Variants in AFAP1 observed in about 807,000 individuals in gnomAD.
AFAP1 encodes the protein actin filament-associated protein 1.
In AFAP1, 75 loss-of-function variants were observed where a neutral mutation model predicts 93.9. That is an observed-to-expected ratio of 0.80 (90% CI 0.66 to 0.97). AFAP1 has a LOEUF of 0.97. AFAP1 is among the 50% of genes least tolerant of loss of function. The pLI is 0.00. For missense variants in AFAP1, 1,201 were observed against 1,050.8 expected, an observed-to-expected ratio of 1.14 and a Z score of -1.98; for synonymous variants, 517 against 430.7, an observed-to-expected ratio of 1.20 and a Z score of -2.48.
chr4:7,903,041 G>A (rs28444857), intron 1 of AFAP1, among the ~76,000 whole-genome samples: 169 of 152,302 alleles, frequency 1.1e-3, no homozygotes, highest in African/African-American at 3.9e-3. Context: ...CTCCAGGCAA[G>A]TATCTGAGGA....
intron 1 of AFAP1, among the ~76,000 whole-genome samples, chr4:7,934,564 T>A (rs1227691909): frequency 6.6e-6 from 1 of 152,080 alleles, no homozygotes; most frequent in African/African-American, 2.4e-5. Context: ...CTGTCTGGGA[T>A]ATCAGGGGCA....
At chr4:7,909,329 C>T (rs974202971) in intron 1 of AFAP1, among the ~76,000 whole-genome samples, 7 of 152,144 alleles carry the variant, frequency 4.6e-5, no homozygotes, top group African/African-American at 9.7e-5. Flanking sequence ...ACCCAGGCAG[C>T]CTGACTCCAT....
At chr4:7,893,422 A>AG (rs1267038149) in intron 1 of AFAP1, among the ~76,000 whole-genome samples, 1 of 152,044 alleles carries the variant, frequency 6.6e-6, no homozygotes, top group African/African-American at 2.4e-5. Flanking sequence ...CTACTAAAAA[A>AG]TACAAAAAAT....
chr4:7,763,687 A>AGCTTCC lies in AFAP1; in HGVS notation c.*72_*77dup. ...GTGCAGCTGAGGCCACTCTGGGCAG[A>AGCTTCC]GCTTCCTGCCGTCACACAGATGAGG... On this transcript the variant is annotated 3_prime_UTR_variant, in exon 18 of 18. Transcript: ENST00000420658. 6.5e-7 allele frequency: 1 copy of AGCTTCC among 1,531,932 alleles called. No homozygotes were observed. Among genetic ancestry groups the AGCTTCC allele is most frequent in the Non-Finnish European group, 8.9e-7 (1 of 1,129,446 alleles). The allele number at this position is 1,531,932 out of a possible 1,614,324, so 94.9% of individuals were successfully genotyped here.
At chr4:7,875,510 T>C (rs1361418876) in intron 1 of AFAP1, among the ~76,000 whole-genome samples, 4 of 152,064 alleles carry the variant, frequency 2.6e-5, no homozygotes, top group African/African-American at 9.7e-5. Flanking sequence ...TCCCAGCACT[T>C]TGAGAGGCTG....
At chr4:7,814,391 G>A (rs1720294520) in intron 8 of AFAP1, among the ~76,000 whole-genome samples, 1 of 152,190 alleles carries the variant, frequency 6.6e-6, no homozygotes, top group Non-Finnish European at 1.5e-5. Context: ...CTGGAGAGAA[G>A]CCTATGACCA....
At chr4:7,882,040 T>C (rs1717882284) in intron 1 of AFAP1, among the ~76,000 whole-genome samples, 1 of 152,136 alleles carries the variant, frequency 6.6e-6, no homozygotes, top group Admixed American at 6.5e-5. Flanking sequence ...TTGTTGGAAC[T>C]TCACTTTAAG....
intron 3 of AFAP1, among the ~76,000 whole-genome samples, chr4:7,861,147 A>G (rs1183079964): frequency 6.6e-6 from 1 of 152,250 alleles, no homozygotes; most frequent in Non-Finnish European, 1.5e-5. Flanking sequence ...TTTTTCTGGT[A>G]AGAGGGATTA....
At chr4:7,864,380 G>C (rs915292184) in intron 3 of AFAP1, among the ~76,000 whole-genome samples, 2 of 152,208 alleles carry the variant, frequency 1.3e-5, no homozygotes, top group African/African-American at 4.8e-5. Context: ...AAATTCTCTT[G>C]AAAGTCAATT....
chr4:7,917,252 C>G (rs1021244286), intron 1 of AFAP1, among the ~76,000 whole-genome samples: 2 of 152,174 alleles, frequency 1.3e-5, no homozygotes, highest in African/African-American at 4.8e-5. Context: ...AGGAGTCAAT[C>G]AGGTCTCACT....
At chr4:7,787,034 T>C (rs906194021) in intron 11 of AFAP1, among the ~76,000 whole-genome samples, 1 of 152,232 alleles carries the variant, frequency 6.6e-6, no homozygotes, top group South Asian at 2.1e-4. Flanking sequence ...TGTGCTACTG[T>C]GGCGTAATAA....
At chr4:7,771,792 G>T (rs1260742044) in intron 16 of AFAP1, among the ~76,000 whole-genome samples, 1 of 152,194 alleles carries the variant, frequency 6.6e-6, no homozygotes, top group Non-Finnish European at 1.5e-5. Context: ...GCTCAGCTCT[G>T]CAGGCGGGAG....
At chr4:7,905,299 T>C (rs1247888141) in intron 1 of AFAP1, among the ~76,000 whole-genome samples, 1 of 152,226 alleles carries the variant, frequency 6.6e-6, no homozygotes, top group Non-Finnish European at 1.5e-5. Context: ...GCAGCGTGTT[T>C]GGTTCCTAGC....
At chr4:7,861,360 AC>A (rs1715656143) in intron 3 of AFAP1, among the ~76,000 whole-genome samples, 1 of 152,202 alleles carries the variant, frequency 6.6e-6, no homozygotes, top group African/African-American at 2.4e-5. Context: ...GCTGAAGGAA[AC>A]TGAGGATAAT....
intron 1 of AFAP1, among the ~76,000 whole-genome samples, chr4:7,898,806 G>C (rs35981602): frequency 2.3e-5 from 1 of 42,862 alleles, no homozygotes. Context: ...CTGGGCAGTA[G>C]AAGTGTGTGT....
intron 3 of AFAP1, among the ~76,000 whole-genome samples, chr4:7,857,530 A>T (rs1715200301): frequency 6.6e-6 from 1 of 152,102 alleles, no homozygotes; most frequent in African/African-American, 2.4e-5. Context: ...CTGTCATCTT[A>T]GTGTGGCGTT....
chr4:7,769,108 A>T (rs1715041564), intron 16 of AFAP1, 100 bp from the exon 17 acceptor site: 1 of 1,426,360 alleles, frequency 7.0e-7, no homozygotes, highest in Admixed American at 2.2e-5. Flanking sequence ...TAAGTTTTGG[A>T]AATGGGCAAA....
chr4:7,763,807 GT>G lies in AFAP1; in HGVS notation c.2419-17del. On this transcript the variant is annotated splice_polypyrimidine_tract_variant and intron_variant, in intron 17 of 17. Transcript: ENST00000420658. Reference sequence around the variant, plus strand: ...ATTCCCATTCCTAGAGGAAAGGAGAGTCTTGTAAGTGGACAGGGCAAGAGGA... The same window carrying G: ...ATTCCCATTCCTAGAGGAAAGGAGAGCTTGTAAGTGGACAGGGCAAGAGGA... 6.4e-7 allele frequency: 1 copy of G among 1,551,534 alleles called. No individual in the cohort carries two copies. The highest frequency in any genetic ancestry group is 8.7e-7 in the Non-Finnish European group (1 of 1,146,830).
chr4:7,878,859 G>A (rs373978603), intron 1 of AFAP1, among the ~76,000 whole-genome samples: 3 of 152,022 alleles, frequency 2.0e-5, no homozygotes, highest in Non-Finnish European at 2.9e-5. Context: ...TTTTTATACC[G>A]TAACACTGAC....
Sources: gnomAD v4.1 joint callset for allele counts (sites outside exome capture counted in the v4.1 genomes callset) on GRCh38, gnomAD v4.1.1 for gene constraint, MANE v1.5 for transcripts, NCBI Gene and HGNC (gene_info 2026-07-23, HGNC 2026-07-21) for gene names.